ANO5: variants seen among roughly 807,000 people sequenced by gnomAD.
ANO5 encodes the protein anoctamin-5.
ANO5 carries 109 observed loss-of-function variants against 121.0 expected under a neutral mutation model. The ratio of observed to expected loss-of-function variants is 0.90; its 90% confidence interval spans 0.77 to 1.06. The LOEUF is 1.06. Among genes scored for constraint, ANO5 ranks in the 50% least tolerant of loss-of-function variants. The probability of loss-of-function intolerance (pLI) is 0.00; values close to 1 mark genes in which losing one functional copy is unlikely to be tolerated. For synonymous variants in ANO5, 406 were observed against 359.9 expected, an observed-to-expected ratio of 1.13 and a Z score of -1.45; for missense variants, 1,064 against 1,078.5, an observed-to-expected ratio of 0.99 and a Z score of 0.19.
Position 22,193,551 on chromosome 11 carries a change from G to A in ANO5, c.40+19G>A. 1.2e-6 allele frequency: 2 copies of A among 1,611,156 alleles called. No homozygotes were observed. Among genetic ancestry groups the A allele is most frequent in the Non-Finnish European group, 1.7e-6 (2 of 1,179,200 alleles). ...GAGGAAGGTAGGACCGCGCCAAGAG[G>A]CGTCAAGGGAGAGCCAGGCTGGCTG... On this transcript the variant is annotated intron_variant, in intron 1 of 21. Transcript: ENST00000324559.
chr11:22,208,662 C>CTCATGT (rs1400074926), intron 2 of ANO5, among the ~76,000 whole-genome samples: 1 of 151,878 alleles, frequency 6.6e-6, no homozygotes, highest in Non-Finnish European at 1.5e-5. Context: ...TATACAGAGA[C>CTCATGT]ATTGTACTCA....
intron 1 of ANO5, 84 bp downstream of exon 1, chr11:22,193,616 C>A: frequency 1.3e-6 from 2 of 1,514,282 alleles, no homozygotes; most frequent in East Asian, 2.4e-5. Flanking sequence ...CCCCGGGGGA[C>A]GTTGGCGGCC....
At chr11:22,268,334 A>C (rs936724576) in intron 17 of ANO5, among the ~76,000 whole-genome samples, 4 of 152,086 alleles carry the variant, frequency 2.6e-5, no homozygotes, top group African/African-American at 9.7e-5. Flanking sequence ...GACCTTAATG[A>C]ATTCTAATAA....
intron 21 of ANO5, chr11:22,277,943 A>G (rs1366213049): frequency 2.0e-5 from 3 of 150,638 alleles, no homozygotes; most frequent in African/African-American, 4.9e-5. Flanking sequence ...TGGGCAGTCC[A>G]TTTTTGAGAA....
intron 7 of ANO5, among the ~76,000 whole-genome samples, chr11:22,233,837 G>A (rs574944534): frequency 1.3e-5 from 2 of 152,160 alleles, no homozygotes; most frequent in Admixed American, 6.6e-5. Context: ...CCACCAGAAT[G>A]TCAACAAGCG....
At chr11:22,217,442 A>T (rs1852483106) in intron 3 of ANO5, among the ~76,000 whole-genome samples, 1 of 151,938 alleles carries the variant, frequency 6.6e-6, no homozygotes. Context: ...TAAATTAAAA[A>T]AAAAACCTGG....
intron 15 of ANO5, chr11:22,261,763 C>T (rs956322066): frequency 4.1e-6 from 1 of 242,960 alleles, no homozygotes; most frequent in African/African-American, 2.3e-5. Flanking sequence ...GGCCTCCCAC[C>T]AGGTCCCTCC....
chr11:22,268,426 GAT>G (rs967801437), intron 17 of ANO5, among the ~76,000 whole-genome samples: 4 of 143,832 alleles, frequency 2.8e-5, no homozygotes, highest in African/African-American at 1.2e-4. Flanking sequence ...TATTGTAAAT[GAT>G]ATCTTTTTAG....
At chr11:22,217,818 C>T (rs182498135) in intron 3 of ANO5, among the ~76,000 whole-genome samples, 30 of 151,866 alleles carry the variant, frequency 2.0e-4, no homozygotes, top group East Asian at 5.8e-4. Context: ...GGAAAAATAA[C>T]GACTGGGTAC....
At chr11:22,250,147 T>A in intron 9 of ANO5, 90 bp from the exon 10 acceptor site, 1 of 1,273,564 alleles carries the variant, frequency 7.9e-7, no homozygotes, top group Non-Finnish European at 1.1e-6. Flanking sequence ...GGAGCCAAAA[T>A]TAGAATATAT....
Position 22,274,627 on chromosome 11 carries a change from A to C in ANO5, c.2294A>C (p.Tyr765Ser), listed in dbSNP as rs1014191814. 6.2e-7 allele frequency: 1 copy of C among 1,612,972 alleles called. No homozygotes were observed. The highest frequency in any genetic ancestry group is 8.5e-7 in the Non-Finnish European group (1 of 1,179,512). Reference protein sequence around the residue: ...IIPRLVYYYAYSTNATQPMTG... With the variant: ...IIPRLVYYYASSTNATQPMTG... ...CCCCGTCTAGTTTACTACTATGCTT[A>C]CTCAACAAATGCCACACAGCCTATG... is the stretch of plus-strand genomic sequence containing the variant. Residue 765 changes from tyrosine to serine, a missense_variant, in exon 20 of 22, where the codon TAC (tyrosine) becomes TCC (serine). Tyr to Ser is a moderately radical substitution (Grantham distance 144, BLOSUM62 -2). Coordinates refer to ENST00000324559, the MANE Select transcript of ANO5 (RefSeq NM_213599.3).
chr11:22,225,465 GAACA>G (rs766103345), intron 5 of ANO5, among the ~76,000 whole-genome samples: 6 of 151,908 alleles, frequency 3.9e-5, no homozygotes, highest in Non-Finnish European at 7.4e-5. Context: ...ACTACAAAAC[GAACA>G]AACAAACAAA....
intron 14 of ANO5, among the ~76,000 whole-genome samples, chr11:22,258,357 C>T (rs1854071438): frequency 6.6e-6 from 1 of 152,078 alleles, no homozygotes; most frequent in Admixed American, 6.5e-5. Flanking sequence ...TCTTAGATTA[C>T]ATAATAATCA....
In ANO5 at chr11:22,272,793, T is replaced by A. The variant is rs777640863; in HGVS notation, c.2039T>A (p.Phe680Tyr). ...FYEYLETVTQ[F>Y]GFVTLFVASF... ...TTTCTTTTCTCTACAGTTACTCAAT[T>A]TGGATTTGTTACACTATTTGTGGCC... Residue 680 changes from phenylalanine to tyrosine, a missense_variant, in exon 19 of 22, where the codon TTT becomes TAT. Phe to Tyr is a conservative substitution (Grantham distance 22). Transcript: ENST00000324559. 4.3e-6 allele frequency: 7 copies of A among 1,613,810 alleles called. No individual in the cohort carries two copies. Among genetic ancestry groups the A allele is most frequent in the Middle Eastern group, 1.7e-4 (1 of 6,046 alleles).
At chr11:22,245,534 A>T (rs542786760) in intron 9 of ANO5, among the ~76,000 whole-genome samples, 2 of 152,102 alleles carry the variant, frequency 1.3e-5, no homozygotes, top group African/African-American at 2.4e-5. Flanking sequence ...ATTTGAGAAG[A>T]GTTCACTCTG....
At chr11:22,244,577 C>CTTT (rs34123612) in intron 9 of ANO5, among the ~76,000 whole-genome samples, 2,886 of 131,118 alleles carry the variant, frequency 0.022, 97 homozygotes, top group African/African-American at 0.074. Context: ...AGGTTTTGTT[C>CTTT]TTTTTTTTTT....
chr11:22,272,666 T>C, intron 18 of ANO5, 118 bp from the exon 19 acceptor site: 1 of 924,818 alleles, frequency 1.1e-6, no homozygotes. Context: ...GATGGAAGCC[T>C]GGATTGTCGT....
At position 22,250,299 on chromosome 11, in the gene ANO5, T is replaced by A. The variant is rs777672501; in HGVS notation, c.941T>A (p.Leu314Gln). 1 of 1,611,928 alleles carries A rather than the reference T, an allele frequency of 6.2e-7. No individual in the cohort carries two copies. Among genetic ancestry groups the A allele is most frequent in the South Asian group, 1.1e-5 (1 of 90,968 alleles). The change falls in exon 10 of 22, where the codon CTA (leucine) becomes CAA (glutamine). Residue 314 changes from leucine (L) to glutamine (Q), a missense_variant. By Grantham distance (113) the Leu-to-Gln change is moderately radical. Transcript: ENST00000324559. ...TTTCTTGGATTTTACACAGAAATGC[T>A]ATTCTTTGCAGCTGTAGTTGGCTTA... ...FVFLGFYTEMLFFAAVVGLAC... is the reference protein window; with the variant it reads ...FVFLGFYTEMQFFAAVVGLAC...
chr11:22,203,999 A>G, intron 2 of ANO5, 149 bp downstream of exon 2: 1 of 524,316 alleles, frequency 1.9e-6, no homozygotes. Flanking sequence ...AGCAAGTTCC[A>G]TGTTCCATGC....
Sources: gnomAD v4.1 joint callset for allele counts (sites outside exome capture counted in the v4.1 genomes callset) on GRCh38, gnomAD v4.1.1 for gene constraint, MANE v1.5 for transcripts, NCBI Gene and HGNC (gene_info 2026-07-23, HGNC 2026-07-21) for gene names.